Variants in OR9Q1 observed in about 807,000 individuals in gnomAD.
OR9Q1 encodes olfactory receptor 9Q1.
For synonymous variants in OR9Q1, 153 were observed against 148.6 expected (o/e 1.03, Z -0.22); for missense variants, 374 against 378.8 (o/e 0.99, Z 0.11).
At chr11:58,130,635 A>G (rs1854132491) in intron 2 of OR9Q1, among the ~76,000 whole-genome samples, 1 of 152,098 alleles carries the variant, frequency 6.6e-6, no homozygotes, top group Non-Finnish European at 1.5e-5. Context: ...CTACTAAAAA[A>G]TTACCAAAAA....
At chr11:58,106,044 T>C (rs1853836605) in intron 2 of OR9Q1, among the ~76,000 whole-genome samples, 2 of 152,154 alleles carry the variant, frequency 1.3e-5, no homozygotes, top group East Asian at 3.9e-4. Flanking sequence ...AACTCTCTAC[T>C]GTTTCCCATA....
chr11:58,137,979 G>T (rs1175526528), intron 2 of OR9Q1, among the ~76,000 whole-genome samples: 2 of 152,128 alleles, frequency 1.3e-5, no homozygotes, highest in Admixed American at 1.3e-4. Flanking sequence ...CATCATTTGA[G>T]GTCTGTTAGT....
intron 2 of OR9Q1, among the ~76,000 whole-genome samples, chr11:58,136,464 A>G (rs1854189970): frequency 6.6e-6 from 1 of 152,164 alleles, no homozygotes; most frequent in African/African-American, 2.4e-5. Flanking sequence ...CTGGGACCAA[A>G]TATTTTCCTC....
intron 2 of OR9Q1, among the ~76,000 whole-genome samples, chr11:58,091,416 AG>A (rs552833978): frequency 2.7e-3 from 406 of 152,304 alleles, no homozygotes; most frequent in Admixed American, 4.7e-3. Context: ...GTAGTCATTC[AG>A]GAGCAGGTTG....
Position 58,118,993 on chromosome 11 carries a change from C to T in OR9Q1, c.-14-60438C>T, listed in dbSNP as rs776663972. 93 of 1,613,818 alleles carry T rather than the reference C, an allele frequency of 5.8e-5. 1 individual carries two copies. The Admixed American group carries it at 8.8e-4, about 15-fold the overall frequency. ...ACGCAGGATGGCTCCTGACACCCCA[C>T]AGACATAGGCTCCTACCACCAGGCT... is the stretch of plus-strand genomic sequence containing the variant. On this transcript the variant is annotated intron_variant, in intron 2 of 2. Coordinates refer to ENST00000335397, the MANE Select transcript of OR9Q1 (RefSeq NM_001005212.4).
chr11:58,128,069 T>C (rs1327406774), intron 2 of OR9Q1, among the ~76,000 whole-genome samples: 1 of 152,132 alleles, frequency 6.6e-6, no homozygotes, highest in African/African-American at 2.4e-5. Flanking sequence ...GTATAGGCAC[T>C]GGAATATCTA....
chr11:58,135,539 G>T (rs1396170616), intron 2 of OR9Q1, among the ~76,000 whole-genome samples: 4 of 152,112 alleles, frequency 2.6e-5, no homozygotes, highest in Non-Finnish European at 5.9e-5. Flanking sequence ...ATACCAGTTT[G>T]ATTTTAGTGG....
At chr11:58,064,880 T>C (rs559500711) in intron 2 of OR9Q1, among the ~76,000 whole-genome samples, 7 of 151,498 alleles carry the variant, frequency 4.6e-5, no homozygotes, top group Admixed American at 3.3e-4. Flanking sequence ...TAAAGAAGCA[T>C]TGGGGTAGGG....
At chr11:58,137,189 CAT>C (rs372893291) in intron 2 of OR9Q1, among the ~76,000 whole-genome samples, 262 of 151,910 alleles carry the variant, frequency 1.7e-3, no homozygotes, top group African/African-American at 5.6e-3. Context: ...AAATGCATAA[CAT>C]GTAGCAAGAT....
chr11:58,146,918 G>A (rs1530607), intron 2 of OR9Q1, among the ~76,000 whole-genome samples: 19,925 of 152,246 alleles, frequency 0.13, 1,574 homozygotes, highest in South Asian at 0.19. Context: ...TTGCAGATTT[G>A]CTTGGGGACT....
intron 2 of OR9Q1, among the ~76,000 whole-genome samples, chr11:58,169,757 G>A (rs1221817759): frequency 6.6e-6 from 1 of 151,728 alleles, no homozygotes; most frequent in African/African-American, 2.4e-5. Context: ...ATTCTCCAGG[G>A]CTTTACATAT....
chr11:58,112,635 C>A (rs1853913935), intron 2 of OR9Q1, among the ~76,000 whole-genome samples: 1 of 152,146 alleles, frequency 6.6e-6, no homozygotes, highest in African/African-American at 2.4e-5. Flanking sequence ...TGTCAGCTTT[C>A]TCCTGGAGAG....
chr11:58,066,595 G>A (rs761892951), intron 2 of OR9Q1, among the ~76,000 whole-genome samples: 10 of 152,192 alleles, frequency 6.6e-5, no homozygotes, highest in South Asian at 2.1e-4. Context: ...ACCCCCAGCA[G>A]CCCCCATCCT....
Position 58,053,634 on chromosome 11 carries a change from A to ATATATAT in OR9Q1, c.-92-2235_-92-2229dup, listed in dbSNP as rs1270705543. On this transcript the variant is annotated intron_variant, in intron 1 of 2. Transcript: ENST00000335397. ...AAAAATATATATATATATAAAATAT[A>ATATATAT]TATATATATAAATTATATATATATA... Among the ~76,000 whole-genome samples the ATATATAT allele has an allele frequency of 1.4e-4, 20 of 144,670 alleles. 2 individuals are homozygous for ATATATAT. Among genetic ancestry groups the ATATATAT allele is most frequent in the Middle Eastern group, 3.6e-3 (1 of 276 alleles). The allele number at this position is 144,670 out of a possible 152,430, so 94.9% of individuals were successfully genotyped here.
intron 1 of OR9Q1, chr11:58,044,861 A>G (rs1193781653): frequency 2.6e-5 from 4 of 152,312 alleles, no homozygotes; most frequent in Admixed American, 2.0e-4. Flanking sequence ...TTCCTCTTCA[A>G]TAAAATGGAG....
intron 2 of OR9Q1, among the ~76,000 whole-genome samples, chr11:58,160,637 A>AG (rs1371494898): frequency 1.3e-5 from 2 of 152,094 alleles, no homozygotes; most frequent in African/African-American, 4.8e-5. Context: ...TTTCAAAAAA[A>AG]GATTTCTTGT....
chr11:58,063,218 A>G (rs915070883), intron 2 of OR9Q1, among the ~76,000 whole-genome samples: 15 of 152,260 alleles, frequency 9.9e-5, no homozygotes, highest in African/African-American at 3.6e-4. Context: ...TCAAAATACT[A>G]TTTATTAGCT....
intron 2 of OR9Q1, among the ~76,000 whole-genome samples, chr11:58,139,597 A>T (rs1229262968): frequency 1.7e-3 from 262 of 151,854 alleles, no homozygotes; most frequent in African/African-American, 5.7e-3. Flanking sequence ...TCCATGTCCC[A>T]ACAAAGGACA....
At chr11:58,093,929 A>G (rs1162261264) in intron 2 of OR9Q1, among the ~76,000 whole-genome samples, 1 of 152,186 alleles carries the variant, frequency 6.6e-6, no homozygotes, top group East Asian at 1.9e-4. Context: ...TTGATCTAGC[A>G]ATCCCACTAC....
Sources: gnomAD v4.1 joint callset for allele counts (sites outside exome capture counted in the v4.1 genomes callset) on GRCh38, gnomAD v4.1.1 for gene constraint, MANE v1.5 for transcripts, NCBI Gene and HGNC (gene_info 2026-07-23, HGNC 2026-07-21) for gene names.